NIPBL: variants seen among roughly 807,000 people sequenced by gnomAD.
NIPBL encodes nipped-B-like protein.
NIPBL carries 19 observed loss-of-function variants against 321.8 expected under a neutral mutation model. The observed-to-expected ratio is 0.06, with a 90% confidence interval of 0.04 to 0.09. NIPBL has a LOEUF of 0.09. NIPBL is among the 10% of genes least tolerant of loss of function. The pLI, the probability that NIPBL is intolerant of heterozygous loss-of-function variation, is 1.00. For synonymous variants in NIPBL, 1,106 were observed against 1,114.1 expected (o/e 0.99, Z 0.14); for missense variants, 2,210 against 3,327.0 (o/e 0.66, Z 8.26).
Position 37,000,717 on chromosome 5 carries a change from C to T in NIPBL, c.3503-100C>T, listed in dbSNP as rs573228670. The T allele has an allele frequency of 8.9e-5, 114 of 1,285,084 alleles. No homozygotes were observed. The East Asian group carries it at 1.6e-3, about 19-fold the overall frequency. The allele number at this position is 1,285,084 out of a possible 1,614,324, so 79.6% of individuals were successfully genotyped here. Reference sequence around the variant, plus strand: ...CTTAGTTTCTATGTGCAGTGATTATCGTTTAAGTCTTTAACGTTCAGGAAA... The same window carrying T: ...CTTAGTTTCTATGTGCAGTGATTATTGTTTAAGTCTTTAACGTTCAGGAAA... On this transcript the variant is annotated intron_variant, in intron 12 of 46. Transcript: ENST00000282516.
intron 34 of NIPBL, among the ~76,000 whole-genome samples, chr5:37,039,022 T>A (rs1752034195): frequency 1.3e-5 from 2 of 152,158 alleles, no homozygotes; most frequent in African/African-American, 4.8e-5. Context: ...AGTTCCTCTC[T>A]TTGAGAAATT....
chr5:37,058,809 T>C, intron 43 of NIPBL, 82 bp from the exon 44 acceptor site: 2 of 1,290,580 alleles, frequency 1.5e-6, no homozygotes, highest in Non-Finnish European at 2.2e-6. Context: ...AAGGAAGCTT[T>C]TTCAAGCTGT....
intron 30 of NIPBL, among the ~76,000 whole-genome samples, chr5:37,025,230 G>C (rs1750123670): frequency 6.6e-6 from 1 of 152,192 alleles, no homozygotes. Flanking sequence ...TCCTGCCTGG[G>C]CAAGGGTGAG....
rs372555863 is a variant in NIPBL, at chr5:36,970,868, A to G, written c.611-8A>G. The G allele has an allele frequency of 3.1e-6, 5 of 1,610,590 alleles. No individual in the cohort carries two copies. In the African/African-American group the frequency reaches 6.7e-5, roughly 22 times the overall value. ...TATTAAACCTTTTTTTATTCTTATT[A>G]ATTTCAGCATCGGTATCAAGTCCCA... On this transcript the variant is annotated splice_polypyrimidine_tract_variant and splice_region_variant and intron_variant, in intron 6 of 46. Transcript: ENST00000282516.
intron 1 of NIPBL, among the ~76,000 whole-genome samples, chr5:36,911,687 A>G (rs1429216736): frequency 6.6e-6 from 1 of 152,222 alleles, no homozygotes; most frequent in African/African-American, 2.4e-5. Flanking sequence ...CTCAGCAAAT[A>G]TTTCCTGATC....
intron 40 of NIPBL, among the ~76,000 whole-genome samples, chr5:37,050,157 CT>C (rs916973501): frequency 1.3e-4 from 20 of 149,340 alleles, no homozygotes; most frequent in Middle Eastern, 3.4e-3. Context: ...GCCTTTTAAA[CT>C]TTTTTTTTTA....
chr5:37,051,759 A>ATTTTTTTTTTTT lies in NIPBL; in HGVS notation c.6955-9_6955-8insTTTTTTTTTTTT. 8.0e-7 allele frequency: 1 copy of ATTTTTTTTTTTT among 1,252,318 alleles called. No homozygotes were observed. The highest frequency in any genetic ancestry group is 1.1e-6 in the Non-Finnish European group (1 of 898,090). The allele number at this position is 1,252,318 out of a possible 1,614,324, so 77.6% of individuals were successfully genotyped here. A position where few individuals can be genotyped will look rare whatever the true frequency, so the allele number is the denominator to read the frequency against. On this transcript the variant is annotated intron_variant, in intron 40 of 46. Transcript: ENST00000282516. ...ATTTTTACTACCATGATATCTCGTAATTTTTTTTTTTATTTCCAGTGTGTG... is the reference window on the plus strand; with the variant it reads ...ATTTTTACTACCATGATATCTCGTAATTTTTTTTTTTTTTTTTTTTTTTATTTCCAGTGTGTG...
chr5:36,880,083 A>G (rs927138428), intron 1 of NIPBL, among the ~76,000 whole-genome samples: 2 of 152,082 alleles, frequency 1.3e-5, no homozygotes, highest in Non-Finnish European at 2.9e-5. Context: ...AGTTTTTACT[A>G]TGGCAGTAAA....
At chr5:36,919,554 G>GA (rs1403527482) in intron 1 of NIPBL, among the ~76,000 whole-genome samples, 6 of 151,816 alleles carry the variant, frequency 4.0e-5, no homozygotes, top group African/African-American at 1.5e-4. Flanking sequence ...ATCCTTACTT[G>GA]AAAAGCATGA....
intron 1 of NIPBL, among the ~76,000 whole-genome samples, chr5:36,914,624 T>C (rs1184798844): frequency 2.0e-5 from 3 of 152,186 alleles, no homozygotes; most frequent in South Asian, 2.1e-4. Flanking sequence ...CTACAAGATA[T>C]CTCATTACGT....
intron 23 of NIPBL, 106 bp downstream of exon 23, chr5:37,016,276 T>A: frequency 2.6e-6 from 3 of 1,136,734 alleles, no homozygotes; most frequent in Non-Finnish European, 3.9e-6. Context: ...TAAGGAAATA[T>A]GAACATTGCA....
At chr5:37,057,413 C>T (rs1015270159) in intron 43 of NIPBL, 81 bp downstream of exon 43, 2 of 1,316,008 alleles carry the variant, frequency 1.5e-6, no homozygotes, top group South Asian at 2.4e-5. Flanking sequence ...TCTCATTATT[C>T]TTTTTATCCT....
chr5:36,968,823 C>G (rs1742532579), intron 6 of NIPBL, among the ~76,000 whole-genome samples: 2 of 151,924 alleles, frequency 1.3e-5, no homozygotes, highest in Admixed American at 1.3e-4. Flanking sequence ...GGTGTCCCAG[C>G]CAATACAGGA....
intron 34 of NIPBL, among the ~76,000 whole-genome samples, chr5:37,042,395 A>G (rs773031773): frequency 6.6e-6 from 1 of 152,110 alleles, no homozygotes; most frequent in Non-Finnish European, 1.5e-5. Context: ...AGACTGTGCT[A>G]CTGCACTTCC....
chr5:36,966,996 A>G (rs949124982), intron 6 of NIPBL, among the ~76,000 whole-genome samples: 1 of 152,018 alleles, frequency 6.6e-6, no homozygotes, highest in Non-Finnish European at 1.5e-5. Context: ...ATAAGAGAAC[A>G]TAAATATATA....
intron 1 of NIPBL, among the ~76,000 whole-genome samples, chr5:36,899,063 G>T (rs1000518033): frequency 6.6e-6 from 1 of 152,162 alleles, no homozygotes; most frequent in Non-Finnish European, 1.5e-5. Context: ...TTTGCCCATT[G>T]TTGTAATGCT....
intron 10 of NIPBL, among the ~76,000 whole-genome samples, chr5:36,987,054 T>A (rs1744900241): frequency 6.6e-6 from 1 of 152,180 alleles, no homozygotes; most frequent in Non-Finnish European, 1.5e-5. Flanking sequence ...ACTTTTTTTA[T>A]TTTTAAATAG....
At chr5:36,968,510 A>C (rs925614594) in intron 6 of NIPBL, among the ~76,000 whole-genome samples, 1 of 152,020 alleles carries the variant, frequency 6.6e-6, no homozygotes, top group East Asian at 1.9e-4. Context: ...CGGAGCTTGC[A>C]GTGAGCCGAG....
At chr5:36,897,928 G>C (rs1021152769) in intron 1 of NIPBL, among the ~76,000 whole-genome samples, 3 of 149,478 alleles carry the variant, frequency 2.0e-5, no homozygotes, top group Non-Finnish European at 4.4e-5. Flanking sequence ...GAAACAAAAG[G>C]AAGTAAGATT....
Sources: gnomAD v4.1 joint callset for allele counts (sites outside exome capture counted in the v4.1 genomes callset) on GRCh38, gnomAD v4.1.1 for gene constraint, MANE v1.5 for transcripts, NCBI Gene and HGNC (gene_info 2026-07-23, HGNC 2026-07-21) for gene names.